Variants in SYNE1 observed in about 807,000 individuals in gnomAD.
SYNE1 encodes nesprin-1.
SYNE1 carries 616 observed loss-of-function variants against 1,111.0 expected under a neutral mutation model. The observed-to-expected ratio is 0.55, with a 90% confidence interval of 0.52 to 0.59. SYNE1 has a LOEUF of 0.59. Among genes scored for constraint, SYNE1 ranks in the 20% least tolerant of loss-of-function variants. SYNE1 has a pLI of 0.00. For missense variants in SYNE1, 10,006 were observed against 10,417.0 expected (o/e 0.96, Z 1.72); for synonymous variants, 3,855 against 3,825.8 (o/e 1.01, Z -0.28).
Position 152,133,311 on chromosome 6 carries a change from G to C in SYNE1, c.25966C>G (p.Leu8656Val). Residue 8656 changes from leucine (L) to valine (V), a missense_variant, in exon 143 of 146, where the codon CTG becomes GTG. This residue lies in a region of SYNE1 where 761 missense variants were observed against 795.5 expected (regional missense o/e 0.96). Transcript: ENST00000367255. ...CTTGACACGTCTAATAACTTCTCCA[G>C]TTCCTTGATATGACGACTGACCTCC... ...LKEVSRHIKE[L>V]EKLLDVSSSQ... 2 of 1,614,158 alleles carry C rather than the reference G, an allele frequency of 1.2e-6. No individual in the cohort carries two copies. Among genetic ancestry groups the C allele is most frequent in the Non-Finnish European group, 8.5e-7 (1 of 1,180,026 alleles).
Position 152,350,730 on chromosome 6 carries a change from T to C in SYNE1, c.11621A>G (p.Lys3874Arg). The C allele has an allele frequency of 1.2e-6, 2 of 1,614,090 alleles. No homozygotes were observed. Among genetic ancestry groups the C allele is most frequent in the Non-Finnish European group, 1.7e-6 (2 of 1,180,022 alleles). Residue 3874 changes from lysine to arginine, a missense_variant, in exon 71 of 146, where the codon AAG (lysine) becomes AGG (arginine). By Grantham distance (26) the Lys-to-Arg change is conservative. This residue lies in a region of SYNE1 where 4,955 missense variants were observed against 5,017.2 expected (regional missense o/e 0.99). Transcript: ENST00000367255. ...AGCTTCACCCTTCTCTCTCACTGACTTTACTGATGGTTCATGGGACAGCAC... is the reference window on the plus strand; with the variant it reads ...AGCTTCACCCTTCTCTCTCACTGACCTTACTGATGGTTCATGGGACAGCAC... ...QTVLSHEPSV[K>R]SVREKGEALL...
chr6:152,211,457 G>A, intron 124 of SYNE1, 37 bp downstream of exon 124: 3 of 1,557,076 alleles, frequency 1.9e-6, no homozygotes, highest in Middle Eastern at 1.7e-4. Context: ...CTAATTTACT[G>A]GAACCTTTCT....
At chr6:152,340,210 A>G (rs1161088506) in intron 74 of SYNE1, among the ~76,000 whole-genome samples, 1 of 152,196 alleles carries the variant, frequency 6.6e-6, no homozygotes, top group African/African-American at 2.4e-5. Flanking sequence ...AGGTAAGAAC[A>G]TTCCAGGCAG....
chr6:152,163,155 G>A (rs1377845927), intron 131 of SYNE1, among the ~76,000 whole-genome samples: 1 of 152,168 alleles, frequency 6.6e-6, no homozygotes, highest in African/African-American at 2.4e-5. Context: ...TCTAGCGGGG[G>A]ATTTACAGTG....
At position 152,604,577 on chromosome 6, in the gene SYNE1, T is replaced by C. The variant is rs181392961; in HGVS notation, c.67+23688A>G. Among the ~76,000 whole-genome samples, 625 of 152,230 alleles carry C rather than the reference T, an allele frequency of 4.1e-3. 2 individuals are homozygous for C. Among genetic ancestry groups the C allele is most frequent in the Middle Eastern group, 6.8e-3 (2 of 294 alleles). On this transcript the variant is annotated intron_variant, in intron 3 of 145. Coordinates refer to ENST00000367255, the MANE Select transcript of SYNE1 (RefSeq NM_182961.4). ...CTCTGGCCTCCCGAAGTGCTAGAAT[T>C]ACAGGCATGAGCCACTGTGCCCATC... is the stretch of plus-strand genomic sequence containing the variant.
chr6:152,337,291 ATTT>A (rs36122423), intron 75 of SYNE1, among the ~76,000 whole-genome samples: 4 of 146,132 alleles, frequency 2.7e-5, no homozygotes, highest in African/African-American at 1.0e-4. Flanking sequence ...AACTCTAATA[ATTT>A]TTTTTTTTTT....
rs1278205836 is a variant in SYNE1, at chr6:152,214,890, C to T, written c.22346+16G>A. 2 of 1,613,864 alleles carry T rather than the reference C, an allele frequency of 1.2e-6. No homozygotes were observed. Among genetic ancestry groups the T allele is most frequent in the African/African-American group, 1.3e-5 (1 of 74,920 alleles). Reference sequence around the variant, plus strand: ...AAGACAACTGGAGCAACCAAGACATCTCTTGTTTACTCTACCTGAATCTTT... The same window carrying T: ...AAGACAACTGGAGCAACCAAGACATTTCTTGTTTACTCTACCTGAATCTTT... On this transcript the variant is annotated intron_variant, in intron 122 of 145. Transcript: ENST00000367255.
intron 2 of SYNE1, among the ~76,000 whole-genome samples, chr6:152,635,431 G>A (rs1043795003): frequency 6.6e-6 from 1 of 152,158 alleles, no homozygotes; most frequent in Non-Finnish European, 1.5e-5. Flanking sequence ...AGAAAAAATA[G>A]ATATGTATTT....
At chr6:152,541,747 CAAA>C (rs1267855271) in intron 3 of SYNE1, among the ~76,000 whole-genome samples, 3 of 60,306 alleles carry the variant, frequency 5.0e-5, no homozygotes, top group Non-Finnish European at 5.6e-5. Flanking sequence ...GACTCCATCT[CAAA>C]AAAAAAAAAA....
chr6:152,396,641 T>C (rs2097735748), intron 50 of SYNE1, 134 bp downstream of exon 50: 4 of 926,998 alleles, frequency 4.3e-6, no homozygotes, highest in South Asian at 2.9e-5. Flanking sequence ...ATCACCTGTA[T>C]TTATGATCAA....
At chr6:152,603,893 TATAG>T (rs1234472913) in intron 3 of SYNE1, among the ~76,000 whole-genome samples, 103 of 146,962 alleles carry the variant, frequency 7.0e-4, no homozygotes, top group African/African-American at 2.4e-3. Context: ...TACATGCATG[TATAG>T]ATAGATATAC....
chr6:152,211,737 G>C, intron 123 of SYNE1, 149 bp from the exon 124 acceptor site: 1 of 668,748 alleles, frequency 1.5e-6, no homozygotes, highest in South Asian at 1.8e-5. Context: ...TGCAGTTTAG[G>C]AATCATTTAT....
In SYNE1 at chr6:152,231,520, C is replaced by T. The variant is rs1429431613; in HGVS notation, c.20910G>A (p.Val6970=). 6.2e-7 allele frequency: 1 copy of T among 1,613,912 alleles called. No individual in the cohort carries two copies. Among genetic ancestry groups the T allele is most frequent in the African/African-American group, 1.3e-5 (1 of 74,846 alleles). The stretch of plus-strand genomic sequence containing the variant: ...TGCTGATTTGTAGCACGGACTGGTT[C>T]ACAAAATCCACTGTCAGCTGTTTAC... ...INCKQLTVDF[V]NQSVLQISSQ... The change falls in exon 114 of 146, where the codon GTG becomes GTA. Residue 6970 remains valine, a synonymous_variant. Coordinates refer to ENST00000367255, the MANE Select transcript of SYNE1 (RefSeq NM_182961.4).
At chr6:152,583,794 T>C (rs2128447329) in intron 3 of SYNE1, among the ~76,000 whole-genome samples, 1 of 152,310 alleles carries the variant, frequency 6.6e-6, no homozygotes, top group African/African-American at 2.4e-5. Context: ...ATCAGCTCTT[T>C]TCCTGAGAGC....
chr6:152,521,752 G>C (rs1046246545), intron 5 of SYNE1, among the ~76,000 whole-genome samples: 20 of 152,056 alleles, frequency 1.3e-4, no homozygotes, highest in African/African-American at 4.6e-4. Context: ...ATATATTCCT[G>C]ATTTAATCCT....
At chr6:152,629,611 C>T (rs1187309325) in intron 2 of SYNE1, among the ~76,000 whole-genome samples, 1 of 145,776 alleles carries the variant, frequency 6.9e-6, no homozygotes, top group African/African-American at 2.6e-5. Context: ...CTTGATATTG[C>T]AAAATGTACT....
At chr6:152,579,605 T>C (rs9479354) in intron 3 of SYNE1, among the ~76,000 whole-genome samples, 6,376 of 152,260 alleles carry the variant, frequency 0.042, 451 homozygotes, top group African/African-American at 0.14. Context: ...ACTATACAGA[T>C]TATTTTGTCA....
chr6:152,554,186 C>T (rs1433424692), intron 3 of SYNE1, among the ~76,000 whole-genome samples: 1 of 152,034 alleles, frequency 6.6e-6, no homozygotes, highest in Non-Finnish European at 1.5e-5. Flanking sequence ...ATGTTAACTA[C>T]TAAGCTCTAA....
In SYNE1 at chr6:152,490,453, C is replaced by T. The variant is rs2098964298; in HGVS notation, c.940-1950G>A. On this transcript the variant is annotated intron_variant, in intron 11 of 145. Transcript: ENST00000367255. ...CCTGCCTTAACCGATGACATTCCACCATTGTGATTTGTTCCTGCCCCATCC... is the reference window on the plus strand; with the variant it reads ...CCTGCCTTAACCGATGACATTCCACTATTGTGATTTGTTCCTGCCCCATCC... Among the ~76,000 whole-genome samples the T allele has an allele frequency of 2.0e-5, 3 of 152,142 alleles. No homozygotes were observed. In the South Asian group the frequency reaches 6.2e-4, roughly 32 times the overall value.
Sources: allele counts gnomAD v4.1 joint callset (sites outside exome capture counted in the v4.1 genomes callset), GRCh38; gene constraint gnomAD v4.1.1; regional missense constraint gnomAD v4.1.1; transcripts MANE v1.5; gene names NCBI Gene and HGNC (gene_info 2026-07-23, HGNC 2026-07-21).